Variants in SRSF12 observed in about 807,000 individuals in gnomAD.
The protein encoded by SRSF12 is serine and arginine rich splicing factor 12.
SRSF12 carries 21 observed loss-of-function variants against 34.1 expected under a neutral mutation model. The ratio of observed to expected loss-of-function variants is 0.62; its 90% CI spans 0.44 to 0.89. The LOEUF (loss-of-function observed/expected upper bound fraction) is 0.89, where lower values mean the gene tolerates loss of function less well. Ranked by LOEUF, SRSF12 falls within the 40% of genes least tolerant of loss-of-function variation. The probability of loss-of-function intolerance (pLI) is 0.00; values close to 1 mark genes in which losing one functional copy is unlikely to be tolerated. For missense variants in SRSF12, 278 were observed against 327.8 expected, an observed-to-expected ratio of 0.85 and a Z score of 1.17; for synonymous variants, 111 against 110.8, an observed-to-expected ratio of 1.00 and a Z score of -0.01.
chr6:89,107,831 T>C (rs1359844021), intron 1 of SRSF12, among the ~76,000 whole-genome samples: 1 of 152,168 alleles, frequency 6.6e-6, no homozygotes, highest in African/African-American at 2.4e-5. Flanking sequence ...AGGCTGGAAA[T>C]CTGTATCTTT....
chr6:89,105,066 A>G, intron 4 of SRSF12, 53 bp downstream of exon 4: 1 of 1,516,278 alleles, frequency 6.6e-7, no homozygotes, highest in Non-Finnish European at 8.9e-7. Flanking sequence ...AAAAATATAT[A>G]TCTATTTCCC....
At chr6:89,099,413 T>TATAC (rs370117225) in intron 4 of SRSF12, among the ~76,000 whole-genome samples, 1,965 of 139,470 alleles carry the variant, frequency 0.014, 77 homozygotes, top group African/African-American at 0.052. Flanking sequence ...CATATATATA[T>TATAC]ACATATATAT....
intron 4 of SRSF12, among the ~76,000 whole-genome samples, chr6:89,104,223 CTT>C (rs138798211): frequency 8.1e-5 from 10 of 123,542 alleles, no homozygotes; most frequent in African/African-American, 1.9e-4. Flanking sequence ...AACTCATCAC[CTT>C]TTTTTTTTTT....
chr6:89,103,646 G>A (rs1768641265), intron 4 of SRSF12, among the ~76,000 whole-genome samples: 1 of 150,146 alleles, frequency 6.7e-6, no homozygotes, highest in East Asian at 2.0e-4. Flanking sequence ...TTTTAGTAGA[G>A]ACAGGATTTC....
chr6:89,105,265 A>G lies in SRSF12; in HGVS notation c.275-5T>C. 6.2e-7 allele frequency: 1 copy of G among 1,603,710 alleles called. No individual in the cohort carries two copies. The highest frequency in any genetic ancestry group is 8.5e-7 in the Non-Finnish European group (1 of 1,172,414). The stretch of plus-strand genomic sequence containing the variant: ...TTGATTTCATTTGGCCTGGTGCTGG[A>G]ACATAAAGAACAAGACTTATGACAT... On this transcript the variant is annotated splice_region_variant and splice_polypyrimidine_tract_variant and intron_variant, in intron 3 of 4. Coordinates refer to ENST00000452027, the MANE Select transcript of SRSF12 (RefSeq NM_080743.5).
intron 4 of SRSF12, among the ~76,000 whole-genome samples, chr6:89,099,228 C>A (rs1381845774): frequency 1.3e-5 from 2 of 151,516 alleles, no homozygotes; most frequent in Non-Finnish European, 2.9e-5. Flanking sequence ...AGTTATACAG[C>A]TCTTAAGAGG....
At chr6:89,115,123 A>C (rs952088775) in intron 1 of SRSF12, among the ~76,000 whole-genome samples, 3 of 151,436 alleles carry the variant, frequency 2.0e-5, no homozygotes, top group African/African-American at 4.9e-5. Context: ...AGACTCTCTA[A>C]AGGTCTCTCT....
chr6:89,117,873 C>T lies in SRSF12; in HGVS notation c.15G>A (p.Thr5=), dbSNP rs561183667. 1 of 1,562,560 alleles carries T rather than the reference C, an allele frequency of 6.4e-7. No individual in the cohort carries two copies. Among genetic ancestry groups the T allele is most frequent in the African/African-American group, 1.4e-5 (1 of 70,446 alleles). Reference sequence around the variant, plus strand: ...TGAACAGGGAGGTGTTGGGGGGCCTCGTGTAGCGAGACATGACCGCTTCCT... The same window carrying T: ...TGAACAGGGAGGTGTTGGGGGGCCTTGTGTAGCGAGACATGACCGCTTCCT... MSRY[T]RPPNTSLFIR... The change falls in exon 1 of 5, where the codon ACG becomes ACA. Residue 5 remains threonine, a synonymous_variant. Transcript: ENST00000452027.
Position 89,107,110 on chromosome 6 carries a change from G to A in SRSF12, c.170+44C>T, listed in dbSNP as rs116616091. On this transcript the variant is annotated intron_variant, in intron 2 of 4. Coordinates refer to ENST00000452027, the MANE Select transcript of SRSF12 (RefSeq NM_080743.5). ...ACTGAATACATATATGTATAAGCAC[G>A]CATATACAGTATATTCACATGCACA... 5,875 of 1,487,506 alleles carry A rather than the reference G, an allele frequency of 3.9e-3. 14 individuals are homozygous for A. Among genetic ancestry groups the A allele is most frequent in the Non-Finnish European group, 4.9e-3 (5,232 of 1,064,826 alleles). 92.1% of individuals were successfully genotyped at this position (1,487,506 alleles called of 1,614,324 possible). A position where few individuals can be genotyped will look rare whatever the true frequency, so the allele number is the denominator to read the frequency against.
intron 4 of SRSF12, among the ~76,000 whole-genome samples, chr6:89,099,415 C>CACATATAT (rs1554182353): frequency 7.1e-6 from 1 of 140,430 alleles, no homozygotes; most frequent in Non-Finnish European, 1.5e-5. Context: ...TATATATATA[C>CACATATAT]ATATATATAT....
At position 89,098,394 on chromosome 6, in the gene SRSF12, T is replaced by C; in HGVS notation, c.*184A>G. 1.6e-6 allele frequency: 1 copy of C among 627,466 alleles called. No individual in the cohort carries two copies. Among genetic ancestry groups the C allele is most frequent in the Non-Finnish European group, 2.5e-6 (1 of 399,414 alleles). The allele number at this position is 627,466 out of a possible 1,614,324, so 38.9% of individuals were successfully genotyped here. A position where few individuals can be genotyped will look rare whatever the true frequency, so the allele number is the denominator to read the frequency against. ...ACATTAGACAAATCATAATTTGTAG[T>C]GTGGGCCCTTTAAATGGAGACCAAA... On this transcript the variant is annotated 3_prime_UTR_variant, in exon 5 of 5. Coordinates refer to ENST00000452027, the MANE Select transcript of SRSF12 (RefSeq NM_080743.5).
chr6:89,097,915 T>C lies in SRSF12; in HGVS notation c.*663A>G, dbSNP rs1483180903. The C allele has an allele frequency of 6.6e-6, 1 of 152,186 alleles. No homozygotes were observed. Among genetic ancestry groups the C allele is most frequent in the Non-Finnish European group, 1.5e-5 (1 of 68,028 alleles). The allele number at this position is 152,186 out of a possible 1,614,324, so 9.4% of individuals were successfully genotyped here. On this transcript the variant is annotated 3_prime_UTR_variant, in exon 5 of 5. Coordinates refer to ENST00000452027, the MANE Select transcript of SRSF12 (RefSeq NM_080743.5). ...TCTCAAACCATTCAAAATCCAGTAT[T>C]TCTCAAAAGTTCTGATATTACTAAT...
chr6:89,112,398 A>G (rs1769094695), intron 1 of SRSF12, among the ~76,000 whole-genome samples: 1 of 151,560 alleles, frequency 6.6e-6, no homozygotes, highest in Non-Finnish European at 1.5e-5. Context: ...AAGAAAAGTA[A>G]GTCCTACTGT....
In SRSF12 at chr6:89,098,867, T is replaced by G. The variant is rs1206379060; in HGVS notation, c.497A>C (p.Gln166Pro). The G allele has an allele frequency of 6.2e-7, 1 of 1,613,866 alleles. No individual in the cohort carries two copies. The highest frequency in any genetic ancestry group is 8.5e-7 in the Non-Finnish European group (1 of 1,179,902). ...AAAATTCCTTCTTGGAGTTCTTGAC[T>G]GCCTTGCTGAGGTAGACCGCCTTGG... ...SLPRRSTSAR[Q>P]SRTPRRNFGS... Residue 166 changes from glutamine to proline, a missense_variant, in exon 5 of 5, where the codon CAG becomes CCG. Coordinates refer to ENST00000452027, the MANE Select transcript of SRSF12 (RefSeq NM_080743.5).
At chr6:89,112,085 G>T (rs908380853) in intron 1 of SRSF12, among the ~76,000 whole-genome samples, 12 of 150,788 alleles carry the variant, frequency 8.0e-5, no homozygotes, top group Non-Finnish European at 1.5e-5. Context: ...TCGGCTCACT[G>T]CAACCTCCTC....
intron 3 of SRSF12, 58 bp downstream of exon 3, chr6:89,105,369 G>C (rs1768736491): frequency 4.5e-6 from 7 of 1,562,274 alleles, no homozygotes; most frequent in Non-Finnish European, 6.1e-6. Flanking sequence ...TAAAAAATCA[G>C]TCATCACTGA....
Position 89,105,132 on chromosome 6 carries a change from C to T in SRSF12, c.403G>A (p.Asp135Asn). ...SSWGRNRRRSDSLKESRHRRF... is the reference protein window; with the variant it reads ...SSWGRNRRRSNSLKESRHRRF... ...TCTTATACTCACTCTTTAAGGCTGT[C>T]TGACCGCCTCCTATTTCTTCCCCAT... The change falls in exon 4 of 5, where the codon GAC (aspartate) becomes AAC (asparagine). Residue 135 changes from aspartate (D) to asparagine (N), a missense_variant. By Grantham distance (23) the Asp-to-Asn change is conservative (BLOSUM62 1). Transcript: ENST00000452027. The T allele has an allele frequency of 6.2e-7, 1 of 1,612,098 alleles. No homozygotes were observed. The highest frequency in any genetic ancestry group is 8.5e-7 in the Non-Finnish European group (1 of 1,178,838).
chr6:89,117,430 G>A (rs1457296632), intron 1 of SRSF12, among the ~76,000 whole-genome samples: 2 of 152,180 alleles, frequency 1.3e-5, no homozygotes, highest in Non-Finnish European at 2.9e-5. Context: ...CGATTTTATC[G>A]GGGCACGGCG....
chr6:89,099,474 A>ATG (rs1768429017), intron 4 of SRSF12, among the ~76,000 whole-genome samples: 3 of 146,024 alleles, frequency 2.1e-5, no homozygotes, highest in South Asian at 2.1e-4. Flanking sequence ...GTGTGTGTAT[A>ATG]TATATATGTG....
Sources: gnomAD v4.1 joint callset for allele counts (sites outside exome capture counted in the v4.1 genomes callset) on GRCh38, gnomAD v4.1.1 for gene constraint, MANE v1.5 for transcripts, NCBI Gene and HGNC (gene_info 2026-07-23, HGNC 2026-07-21) for gene names.